IRAG2: variants seen among roughly 807,000 people sequenced by gnomAD.
IRAG2 encodes inositol 1,4,5-triphosphate receptor associated 2, also known as lymphoid restricted membrane protein.
IRAG2 carries 45 observed loss-of-function variants against 69.9 expected under a neutral mutation model. The ratio of observed to expected loss-of-function variants is 0.64; its 90% CI spans 0.51 to 0.83. The LOEUF is 0.83. IRAG2 is among the 40% of genes least tolerant of loss of function. IRAG2 has a pLI of 0.00. For synonymous variants in IRAG2, 193 were observed against 202.4 expected (o/e 0.95, Z 0.40); for missense variants, 520 against 587.0 (o/e 0.89, Z 1.18).
At chr12:25,048,784 AT>A (rs1944818069), upstream of IRAG2, among the ~76,000 whole-genome samples, 3 of 152,164 alleles carry the variant, frequency 2.0e-5, no homozygotes, top group East Asian at 3.9e-4. Flanking sequence ...CTACTTGTCA[AT>A]TTTTGCTTTT....
intron 16 of IRAG2, among the ~76,000 whole-genome samples, chr12:25,041,126 G>A (rs577080647): frequency 6.6e-6 from 1 of 152,256 alleles, no homozygotes; most frequent in African/African-American, 2.4e-5. Context: ...GCCGGTGCCA[G>A]GAGCCTGAGG....
At chr12:25,089,873 CT>C (rs1249771707) in intron 13 of IRAG2, 83 bp downstream of exon 13, 2 of 1,408,550 alleles carry the variant, frequency 1.4e-6, no homozygotes, top group Non-Finnish European at 2.0e-6. Context: ...TTGGCACAAG[CT>C]CTCATATGCT....
At chr12:25,092,400 C>CA (rs776677425) in intron 14 of IRAG2, among the ~76,000 whole-genome samples, 18,828 of 117,212 alleles carry the variant, frequency 0.16, 2,254 homozygotes, top group African/African-American at 0.31. Context: ...AACTCCATCT[C>CA]AAAAAAAAAA....
At chr12:25,053,850 G>GA (rs1265045863) in intron 1 of IRAG2, among the ~76,000 whole-genome samples, 2 of 151,522 alleles carry the variant, frequency 1.3e-5, no homozygotes, top group African/African-American at 4.8e-5. Context: ...AAAAATTTCA[G>GA]ACTTGTGTTT....
rs2139813604 is a variant in IRAG2, at chr12:25,005,061, T to C, written c.574+146T>C. On this transcript the variant is annotated intron_variant, in intron 1 of 38. Transcript: ENST00000636465. ...CCCTTTCTGTTTTAACTATGTTTGTTTCCAGAACAAAACAGAACGTCATGA... is the reference window on the plus strand; with the variant it reads ...CCCTTTCTGTTTTAACTATGTTTGTCTCCAGAACAAAACAGAACGTCATGA... 6.5e-6 allele frequency: 4 copies of C among 611,370 alleles called. No individual in the cohort carries two copies. The East Asian group carries it at 1.4e-4, about 21-fold the overall frequency. 37.9% of individuals were successfully genotyped at this position (611,370 alleles called of 1,614,324 possible).
At chr12:25,027,346 T>G (rs1430487164) in intron 9 of IRAG2, among the ~76,000 whole-genome samples, 1 of 152,098 alleles carries the variant, frequency 6.6e-6, no homozygotes, top group East Asian at 1.9e-4. Context: ...CTTAGCATAA[T>G]GTTTTTAAGG....
At chr12:25,063,088 G>A (rs569387524) in intron 3 of IRAG2, among the ~76,000 whole-genome samples, 188 bp downstream of exon 3, 11 of 152,294 alleles carry the variant, frequency 7.2e-5, no homozygotes, top group African/African-American at 2.6e-4. Flanking sequence ...CACAAACCTA[G>A]TTGGTCCTTT....
chr12:25,013,930 A>G (rs1203712645), intron 3 of IRAG2, among the ~76,000 whole-genome samples: 1 of 116,682 alleles, frequency 8.6e-6, no homozygotes, highest in Non-Finnish European at 1.6e-5. Flanking sequence ...GCTGGAGTGC[A>G]GTGGCGCAAT....
At chr12:25,080,236 T>A (rs978126393) in intron 9 of IRAG2, among the ~76,000 whole-genome samples, 3 of 152,178 alleles carry the variant, frequency 2.0e-5, no homozygotes, top group Admixed American at 2.0e-4. Flanking sequence ...CTGAAAACAA[T>A]GTAGTTATTC....
intron 16 of IRAG2, among the ~76,000 whole-genome samples, chr12:25,045,181 A>G (rs751023148): frequency 3.9e-4 from 60 of 152,270 alleles, no homozygotes; most frequent in Non-Finnish European, 8.2e-4. Context: ...GAAGAAATAA[A>G]GAAAATTAGA....
At chr12:25,021,267 G>A (rs1565528002) in intron 7 of IRAG2, among the ~76,000 whole-genome samples, 1 of 151,484 alleles carries the variant, frequency 6.6e-6, no homozygotes, top group Non-Finnish European at 1.5e-5. Context: ...ACTGTGCTTG[G>A]CCTCCTTTTC....
At chr12:25,065,930 A>C (rs940489003) in intron 4 of IRAG2, among the ~76,000 whole-genome samples, 4 of 152,104 alleles carry the variant, frequency 2.6e-5, no homozygotes, top group Admixed American at 6.5e-5. Context: ...TCGGACTCCT[A>C]AAGTGCTGGG....
chr12:25,052,126 G>A (rs1408567568), upstream of IRAG2: 1 of 394,522 alleles, frequency 2.5e-6, no homozygotes, highest in African/African-American at 2.1e-5. Flanking sequence ...CTCTAAGGAA[G>A]TGGTGTTAAG....
At chr12:25,012,328 T>C (rs1166980362) in intron 3 of IRAG2, among the ~76,000 whole-genome samples, 3 of 151,566 alleles carry the variant, frequency 2.0e-5, no homozygotes, top group South Asian at 4.2e-4. Context: ...CTAATGCTTG[T>C]ATTTTTAGTA....
intron 20 of IRAG2, among the ~76,000 whole-genome samples, chr12:25,105,988 C>T (rs1949072048): frequency 1.3e-5 from 2 of 152,132 alleles, no homozygotes; most frequent in African/African-American, 4.8e-5. Flanking sequence ...GGTGGAAGAA[C>T]ACCTCTTTAA....
At chr12:25,003,461 C>G (rs1703722089), upstream of IRAG2, among the ~76,000 whole-genome samples, 1 of 151,986 alleles carries the variant, frequency 6.6e-6, no homozygotes, top group South Asian at 2.1e-4. Context: ...CCCTCCCACC[C>G]CCACCTCCTG....
At chr12:25,047,359 T>C (rs1944803136), upstream of IRAG2, among the ~76,000 whole-genome samples, 1 of 152,162 alleles carries the variant, frequency 6.6e-6, no homozygotes, top group South Asian at 2.1e-4. Flanking sequence ...CAGCAAAGAA[T>C]ACAATGCAAT....
chr12:25,032,174 C>T, exon 11 of IRAG2: 1 of 398,978 alleles, frequency 2.5e-6, no homozygotes, highest in East Asian at 3.6e-5. Context: ...TTAAATCAAC[C>T]ATCATAGAAT....
At chr12:25,037,163 C>T (rs1019979618) in intron 15 of IRAG2, among the ~76,000 whole-genome samples, 4 of 152,160 alleles carry the variant, frequency 2.6e-5, no homozygotes, top group African/African-American at 9.7e-5. Context: ...GAAGGTATCT[C>T]TTTCATCTGT....
Sources: gnomAD v4.1 joint callset for allele counts (sites outside exome capture counted in the v4.1 genomes callset) on GRCh38, gnomAD v4.1.1 for gene constraint, MANE v1.5 for transcripts, NCBI Gene and HGNC (gene_info 2026-07-23, HGNC 2026-07-21) for gene names.